PIAS2: variants seen among roughly 807,000 people sequenced by gnomAD.
PIAS2 encodes E3 SUMO-protein ligase PIAS2.
A neutral mutation model predicts 69.7 loss-of-function variants in PIAS2; 19 were observed. The ratio of observed to expected loss-of-function variants is 0.27; its 90% confidence interval spans 0.19 to 0.40. The LOEUF is 0.40. PIAS2 is among the 10% of genes least tolerant of loss of function. The pLI is 1.00. For synonymous variants in PIAS2, 261 were observed against 263.2 expected (o/e 0.99, Z 0.08); for missense variants, 624 against 757.0 (o/e 0.82, Z 2.06).
intron 9 of PIAS2, among the ~76,000 whole-genome samples, chr18:46,833,078 C>A (rs2043910751): frequency 6.6e-6 from 1 of 152,014 alleles, no homozygotes; most frequent in Admixed American, 6.6e-5. Context: ...AGTATTTACC[C>A]AAGATAAATG....
intron 11 of PIAS2, among the ~76,000 whole-genome samples, chr18:46,823,017 T>C (rs190039436): frequency 2.0e-5 from 3 of 150,748 alleles, no homozygotes; most frequent in Admixed American, 1.3e-4. Context: ...GCAGGAGGAT[T>C]GCTTGAGCTG....
chr18:46,867,235 C>T (rs940720250), intron 2 of PIAS2, among the ~76,000 whole-genome samples: 7 of 152,072 alleles, frequency 4.6e-5, no homozygotes, highest in Non-Finnish European at 1.0e-4. Context: ...AGATTATAAT[C>T]TCAAATAACC....
Position 46,850,833 on chromosome 18 carries a change from T to TAGC in PIAS2, c.727-3993_727-3992insGCT, listed in dbSNP as rs1458369294. Among the ~76,000 whole-genome samples the TAGC allele has an allele frequency of 2.6e-5, 4 of 152,206 alleles. No individual in the cohort carries two copies. In the East Asian group the frequency reaches 5.8e-4, roughly 22 times the overall value. On this transcript the variant is annotated intron_variant, in intron 5 of 13. Transcript: ENST00000585916. ...CTTTTGATTGTATTAGCCGAAATGT[T>TAGC]TCCATAAAGAGCTTGACCACATCAA...
chr18:46,897,417 G>C (rs1272068387), intron 1 of PIAS2, among the ~76,000 whole-genome samples: 3 of 152,156 alleles, frequency 2.0e-5, no homozygotes, highest in Non-Finnish European at 1.5e-5. Flanking sequence ...TGGGCTCCTA[G>C]TAGCCTAAGA....
In PIAS2 at chr18:46,807,383, A is replaced by ATATATATATT. The variant is rs869149927; in HGVS notation, c.*5049_*5050insAATATATATA. The stretch of plus-strand genomic sequence containing the variant: ...TATATATATATATATATATATATAT[A>ATATATATATT]TTTTTTTTTTTTTTTTTTTTTTTTT... On this transcript the variant is annotated 3_prime_UTR_variant, in exon 14 of 14. Coordinates refer to ENST00000585916, the MANE Select transcript of PIAS2 (RefSeq NM_004671.5). 3.4e-4 allele frequency: 4 copies of ATATATATATT among 11,600 alleles called. No individual in the cohort carries two copies. Among genetic ancestry groups the ATATATATATT allele is most frequent in the Admixed American group, 1.2e-3 (1 of 838 alleles). The allele number at this position is 11,600 out of a possible 1,614,324, so 0.7% of individuals were successfully genotyped here. A position where few individuals can be genotyped will look rare whatever the true frequency, so the allele number is the denominator to read the frequency against.
chr18:46,897,566 C>A (rs2055097109), intron 1 of PIAS2, among the ~76,000 whole-genome samples: 1 of 152,176 alleles, frequency 6.6e-6, no homozygotes, highest in African/African-American at 2.4e-5. Flanking sequence ...AAAAATTCAT[C>A]ATTATTCTGA....
At chr18:46,838,776 C>T (rs2044843189) in intron 8 of PIAS2, among the ~76,000 whole-genome samples, 1 of 152,152 alleles carries the variant, frequency 6.6e-6, no homozygotes, top group African/African-American at 2.4e-5. Flanking sequence ...GCTGAGGCTA[C>T]AAGAGGTTAA....
At position 46,838,688 on chromosome 18, in the gene PIAS2, T is replaced by C. The variant is rs149284982; in HGVS notation, c.1042-2171A>G. On this transcript the variant is annotated intron_variant, in intron 8 of 13. Transcript: ENST00000585916. ...TCTTACAGTATGCCCAAGGCTTTTA[T>C]ATAAATCTCATAAAATCTTCATAAC... Among the ~76,000 whole-genome samples the C allele has an allele frequency of 2.5e-3, 382 of 152,350 alleles. 2 individuals are homozygous for C. Among genetic ancestry groups the C allele is most frequent in the African/African-American group, 8.7e-3 (363 of 41,588 alleles).
At position 46,897,434 on chromosome 18, in the gene PIAS2, A is replaced by T. The variant is rs186561678; in HGVS notation, c.25-6380T>A. 5.2e-3 allele frequency among the ~76,000 whole-genome samples: 793 copies of T among 152,322 alleles called. 5 individuals carry two copies. The highest frequency in any genetic ancestry group is 0.018 in the African/African-American group (745 of 41,568). ...GGCTCCTAGTAGCCTAAGATGAGAA[A>T]ATTTGAGCATCAAAAAGAATAATAA... On this transcript the variant is annotated intron_variant, in intron 1 of 13. Coordinates refer to ENST00000585916, the MANE Select transcript of PIAS2 (RefSeq NM_004671.5).
intron 2 of PIAS2, among the ~76,000 whole-genome samples, chr18:46,881,652 A>G (rs1273457341): frequency 6.6e-6 from 1 of 152,196 alleles, no homozygotes; most frequent in Non-Finnish European, 1.5e-5. Flanking sequence ...CATTAGGCCA[A>G]TGCAGTAACT....
At chr18:46,905,737 C>T (rs1226805484) in intron 1 of PIAS2, 3 of 152,098 alleles carry the variant, frequency 2.0e-5, no homozygotes, top group Non-Finnish European at 4.4e-5. Flanking sequence ...ACTACTAAAA[C>T]AGGTTTGAAA....
chr18:46,893,537 G>A, intron 1 of PIAS2: 1 of 703,988 alleles, frequency 1.4e-6, no homozygotes, highest in Non-Finnish European at 1.7e-6. Flanking sequence ...ATGGGCTGTT[G>A]TAAATAGACA....
At chr18:46,907,077 G>A (rs8096909) in intron 1 of PIAS2, among the ~76,000 whole-genome samples, 1,944 of 152,226 alleles carry the variant, frequency 0.013, 39 homozygotes, top group African/African-American at 0.045. Context: ...TGCCTTCCCC[G>A]GAGATATCTG....
chr18:46,917,108 G>T, intron 1 of PIAS2: 1 of 990,592 alleles, frequency 1.0e-6, no homozygotes, highest in Non-Finnish European at 1.2e-6. Flanking sequence ...GGCTCGCCGC[G>T]GCCCAGGCCC....
chr18:46,916,853 T>C, intron 1 of PIAS2: 1 of 985,402 alleles, frequency 1.0e-6, no homozygotes. Flanking sequence ...GCATCAGCCA[T>C]AAGAAGAGGA....
intron 5 of PIAS2, chr18:46,853,176 G>A (rs1047980930): frequency 2.0e-5 from 3 of 151,992 alleles, no homozygotes; most frequent in Non-Finnish European, 4.4e-5. Context: ...ACTAAGGAGA[G>A]TGAGATGGGA....
chr18:46,883,836 T>A (rs977668136), intron 2 of PIAS2, among the ~76,000 whole-genome samples: 3 of 152,000 alleles, frequency 2.0e-5, no homozygotes, highest in Non-Finnish European at 4.4e-5. Flanking sequence ...CCTCTCTCAA[T>A]AAATAATAAA....
At chr18:46,882,669 C>A (rs928055583) in intron 2 of PIAS2, among the ~76,000 whole-genome samples, 2 of 151,032 alleles carry the variant, frequency 1.3e-5, no homozygotes, top group African/African-American at 4.9e-5. Flanking sequence ...ACAGTGAAAG[C>A]CCATTGAAGA....
At chr18:46,895,960 T>C (rs1157741766) in intron 1 of PIAS2, among the ~76,000 whole-genome samples, 1 of 151,558 alleles carries the variant, frequency 6.6e-6, no homozygotes, top group Non-Finnish European at 1.5e-5. Flanking sequence ...AACTCCTAGG[T>C]TAAAGAAATC....
Sources: gnomAD v4.1 joint callset for allele counts (sites outside exome capture counted in the v4.1 genomes callset) on GRCh38, gnomAD v4.1.1 for gene constraint, MANE v1.5 for transcripts, NCBI Gene and HGNC (gene_info 2026-07-23, HGNC 2026-07-21) for gene names.